The following FAM107B variants were observed in gnomAD, a reference collection of about 807,000 sequenced individuals.
FAM107B encodes family with sequence similarity 107 member B.
Under a neutral mutation model 31.5 loss-of-function variants are expected in FAM107B, and 21 were observed. That is an observed-to-expected ratio of 0.67 (90% CI 0.47 to 0.96). The LOEUF (loss-of-function observed/expected upper bound fraction) is 0.96. FAM107B is among the 40% of genes least tolerant of loss of function. FAM107B has a pLI of 0.00. For missense variants in FAM107B, 452 were observed against 377.1 expected (o/e 1.20, Z -1.64); for synonymous variants, 157 against 141.5 (o/e 1.11, Z -0.78).
intron 2 of FAM107B, among the ~76,000 whole-genome samples, chr10:14,584,934 G>A (rs980638685): frequency 7.2e-5 from 11 of 152,162 alleles, no homozygotes; most frequent in African/African-American, 2.7e-4. Context: ...GTTGCTTCCT[G>A]CAACCAATCA....
At chr10:14,764,575 A>C (rs1357279567) in intron 1 of FAM107B, among the ~76,000 whole-genome samples, 2 of 152,314 alleles carry the variant, frequency 1.3e-5, no homozygotes, top group Admixed American at 6.5e-5. Flanking sequence ...TGTCAATCTT[A>C]TATTGGAAAA....
intron 2 of FAM107B, among the ~76,000 whole-genome samples, chr10:14,584,709 T>C (rs1022453428): frequency 1.3e-5 from 2 of 152,166 alleles, no homozygotes; most frequent in Admixed American, 1.3e-4. Flanking sequence ...ACTGACTTCC[T>C]AGAACTAAAT....
chr10:14,752,396 T>A (rs1195848585), intron 1 of FAM107B, among the ~76,000 whole-genome samples: 1 of 152,230 alleles, frequency 6.6e-6, no homozygotes, highest in Non-Finnish European at 1.5e-5. Context: ...GAGGTTTCCC[T>A]ATCCCATTCT....
intron 1 of FAM107B, among the ~76,000 whole-genome samples, chr10:14,757,251 C>G (rs1358359358): frequency 6.6e-6 from 1 of 151,642 alleles, no homozygotes; most frequent in East Asian, 1.9e-4. Flanking sequence ...TTAATGCATC[C>G]TATGTACCTA....
At chr10:14,692,830 T>C (rs879364374) in intron 1 of FAM107B, among the ~76,000 whole-genome samples, 7 of 152,238 alleles carry the variant, frequency 4.6e-5, no homozygotes, top group Admixed American at 3.9e-4. Flanking sequence ...TTATCCTCTC[T>C]GATCCTTTAT....
intron 1 of FAM107B, among the ~76,000 whole-genome samples, chr10:14,773,759 G>A (rs767375532): frequency 1.3e-5 from 2 of 152,060 alleles, no homozygotes; most frequent in Non-Finnish European, 2.9e-5. Flanking sequence ...GTACCACTAG[G>A]CATACACTGA....
intron 3 of FAM107B, among the ~76,000 whole-genome samples, chr10:14,522,572 C>T (rs914328128): frequency 3.3e-5 from 5 of 152,040 alleles, no homozygotes; most frequent in African/African-American, 1.2e-4. Flanking sequence ...TGCACCACCA[C>T]GCCCGGCTAA....
chr10:14,668,790 C>T (rs1255930045), intron 1 of FAM107B, among the ~76,000 whole-genome samples: 1 of 152,168 alleles, frequency 6.6e-6, no homozygotes, highest in Admixed American at 6.5e-5. Flanking sequence ...GTTACCTACT[C>T]AGCTTCCTTC....
chr10:14,608,654 A>T (rs957748312), intron 2 of FAM107B, among the ~76,000 whole-genome samples: 1 of 152,226 alleles, frequency 6.6e-6, no homozygotes. Flanking sequence ...AGCCCCGTCC[A>T]GGAGGGCGAA....
chr10:14,675,353 G>A (rs1271033688), intron 1 of FAM107B, among the ~76,000 whole-genome samples: 1 of 152,122 alleles, frequency 6.6e-6, no homozygotes, highest in African/African-American at 2.4e-5. Context: ...CTGGTGGATA[G>A]GTGTCTCTCA....
chr10:14,652,419 C>T (rs542750978), intron 2 of FAM107B, among the ~76,000 whole-genome samples: 5 of 152,148 alleles, frequency 3.3e-5, no homozygotes, highest in Non-Finnish European at 5.9e-5. Context: ...TGCAGAGCTG[C>T]GGAAATAACG....
chr10:14,705,931 C>A (rs1427937000), intron 1 of FAM107B, among the ~76,000 whole-genome samples: 1 of 152,156 alleles, frequency 6.6e-6, no homozygotes, highest in African/African-American at 2.4e-5. Flanking sequence ...TTTCAGGACC[C>A]AACCGGCAGG....
chr10:14,767,810 T>C (rs1032348662), intron 1 of FAM107B, among the ~76,000 whole-genome samples: 3 of 152,178 alleles, frequency 2.0e-5, no homozygotes, highest in Non-Finnish European at 2.9e-5. Flanking sequence ...GTATTGTAAG[T>C]TTCCACCAGA....
At chr10:14,708,032 C>T (rs972652321) in intron 1 of FAM107B, among the ~76,000 whole-genome samples, 2 of 152,136 alleles carry the variant, frequency 1.3e-5, no homozygotes, top group Non-Finnish European at 2.9e-5. Flanking sequence ...TGTCTCCACC[C>T]TCTCCTTTCC....
intron 2 of FAM107B, among the ~76,000 whole-genome samples, chr10:14,662,413 C>G (rs2400089): frequency 0.47 from 69,060 of 147,740 alleles, 16,573 homozygotes; most frequent in South Asian, 0.57. Context: ...GTCTCGCTCT[C>G]TCACCCAGGC....
chr10:14,585,627 C>G (rs1417067163), intron 2 of FAM107B, among the ~76,000 whole-genome samples: 4 of 152,192 alleles, frequency 2.6e-5, no homozygotes, highest in Admixed American at 2.0e-4. Context: ...AAAACACACA[C>G]TGGGAGAAAA....
chr10:14,675,193 C>T lies in FAM107B; in HGVS notation c.412-7502G>A, dbSNP rs182380059. Among the ~76,000 whole-genome samples, 14 of 152,266 alleles carry T rather than the reference C, an allele frequency of 9.2e-5. No individual in the cohort carries two copies. In the East Asian group the frequency reaches 2.1e-3, roughly 23 times the overall value. ...ATGGGGAAACAGGATTAGGGCCCTT[C>T]ATGTGAGGCTCAGACCATCCTCTCC... is the stretch of plus-strand genomic sequence containing the variant. On this transcript the variant is annotated intron_variant, in intron 1 of 4. Coordinates refer to ENST00000181796, the MANE Select transcript of FAM107B (RefSeq NM_031453.4).
At chr10:14,524,352 C>T (rs557701684) in intron 3 of FAM107B, among the ~76,000 whole-genome samples, 58 of 152,152 alleles carry the variant, frequency 3.8e-4, no homozygotes, top group African/African-American at 1.4e-3. Context: ...TAGTATAGTC[C>T]ATCTTTAATG....
At chr10:14,610,432 TTAAC>T (rs1342946091) in intron 2 of FAM107B, among the ~76,000 whole-genome samples, 1 of 152,248 alleles carries the variant, frequency 6.6e-6, no homozygotes, top group African/African-American at 2.4e-5. Context: ...TTTATTTTGC[TTAAC>T]TGTTTTGCAC....
Sources: allele counts gnomAD v4.1 joint callset (sites outside exome capture counted in the v4.1 genomes callset), GRCh38; gene constraint gnomAD v4.1.1; transcripts MANE v1.5; gene names NCBI Gene and HGNC (gene_info 2026-07-23, HGNC 2026-07-21).